The following NCAM1 variants were observed in gnomAD, a reference collection of about 807,000 sequenced individuals.
NCAM1 encodes antigen recognized by monoclonal antibody 5.1H11.
A neutral mutation model predicts 109.8 loss-of-function variants in NCAM1; 14 were observed. The observed-to-expected ratio is 0.13, with a 90% CI of 0.08 to 0.20. NCAM1 has a LOEUF of 0.20. Among genes scored for constraint, NCAM1 ranks in the 10% least tolerant of loss-of-function variants. The probability of loss-of-function intolerance (pLI) is 1.00; values close to 1 mark genes in which losing one functional copy is unlikely to be tolerated. For synonymous variants in NCAM1, 418 were observed against 442.9 expected, an observed-to-expected ratio of 0.94 and a Z score of 0.70; for missense variants, 774 against 1,109.9, an observed-to-expected ratio of 0.70 and a Z score of 4.30.
chr11:113,242,293 T>G (rs1945351855), intron 14 of NCAM1, among the ~76,000 whole-genome samples: 1 of 152,200 alleles, frequency 6.6e-6, no homozygotes, highest in African/African-American at 2.4e-5. Context: ...TCTGATCATC[T>G]CTTTTAAATA....
chr11:113,148,439 T>A (rs1942101572), intron 1 of NCAM1, among the ~76,000 whole-genome samples: 1 of 152,044 alleles, frequency 6.6e-6, no homozygotes, highest in Non-Finnish European at 1.5e-5. Flanking sequence ...TGGATTTTTC[T>A]GTCCTCTTAA....
chr11:113,081,749 G>T (rs1277921597), intron 1 of NCAM1, among the ~76,000 whole-genome samples: 1 of 152,102 alleles, frequency 6.6e-6, no homozygotes, highest in Non-Finnish European at 1.5e-5. Context: ...GGCCAGGCTG[G>T]TCTGGAACTC....
chr11:113,101,758 CCAAA>C (rs555917848), intron 1 of NCAM1, among the ~76,000 whole-genome samples: 35 of 152,286 alleles, frequency 2.3e-4, no homozygotes, highest in African/African-American at 7.7e-4. Context: ...CTCATTTAAT[CCAAA>C]CAGTCAGGCT....
At chr11:113,118,522 G>A (rs936496546) in intron 1 of NCAM1, among the ~76,000 whole-genome samples, 3 of 151,926 alleles carry the variant, frequency 2.0e-5, no homozygotes, top group East Asian at 3.8e-4. Context: ...CTGGACCATT[G>A]CAGGGCCTTC....
In NCAM1 at chr11:113,260,170, A is replaced by T. The variant is rs782774656; in HGVS notation, c.1978A>T (p.Ile660Phe). The T allele has an allele frequency of 1.8e-5, 29 of 1,613,034 alleles. No individual in the cohort carries two copies. The highest frequency in any genetic ancestry group is 2.5e-5 in the Non-Finnish European group (29 of 1,179,670). ...GCTCTCCTCCGAGTGGAAACCAGAG[A>T]TCAGGCTCCCGTCTGGCAGTGACCA... ...RALSSEWKPE[I>F]RLPSGSDHVM... Residue 660 changes from isoleucine (I) to phenylalanine (F), a missense_variant, in exon 17 of 20, where the codon ATC becomes TTC. Around this residue, in one of 4 missense-constraint regions of NCAM1, gnomAD observed 523 missense variants for 784.2 expected, o/e 0.67. Coordinates refer to ENST00000316851, the MANE Select transcript of NCAM1 (RefSeq NM_181351.5).
intron 7 of NCAM1, among the ~76,000 whole-genome samples, chr11:113,212,501 A>G (rs1283129700): frequency 6.6e-6 from 1 of 152,194 alleles, no homozygotes; most frequent in South Asian, 2.1e-4. Context: ...AAAGTACCGC[A>G]GGTCAGGAGA....
intron 1 of NCAM1, among the ~76,000 whole-genome samples, chr11:113,127,902 G>T (rs2136094980): frequency 6.6e-6 from 1 of 152,248 alleles, no homozygotes; most frequent in South Asian, 2.1e-4. Flanking sequence ...CACTGTGCTG[G>T]GTACCTGTCC....
chr11:113,165,251 A>G (rs1210098185), intron 1 of NCAM1, among the ~76,000 whole-genome samples: 1 of 152,168 alleles, frequency 6.6e-6, no homozygotes, highest in African/African-American at 2.4e-5. Flanking sequence ...AGAAAAGGAA[A>G]TTTAAGTAAA....
At chr11:113,239,031 T>C (rs1325495086) in intron 14 of NCAM1, among the ~76,000 whole-genome samples, 1 of 152,192 alleles carries the variant, frequency 6.6e-6, no homozygotes, top group Admixed American at 6.5e-5. Context: ...TTTCCATGTT[T>C]AGGGACATGG....
intron 1 of NCAM1, among the ~76,000 whole-genome samples, chr11:113,188,736 G>C (rs1943587750): frequency 6.6e-6 from 1 of 152,142 alleles, no homozygotes; most frequent in Admixed American, 6.5e-5. Context: ...ACTGTGACTT[G>C]ACACAAACCA....
intron 17 of NCAM1, among the ~76,000 whole-genome samples, chr11:113,268,629 C>T (rs1946193490): frequency 6.6e-6 from 1 of 152,184 alleles, no homozygotes; most frequent in Non-Finnish European, 1.5e-5. Flanking sequence ...CAGAGAAGCA[C>T]TAGAGTGCCT....
chr11:113,251,179 C>T (rs541320492), intron 15 of NCAM1, among the ~76,000 whole-genome samples: 3 of 152,324 alleles, frequency 2.0e-5, no homozygotes, highest in Non-Finnish European at 2.9e-5. Context: ...TCTTGGTGCT[C>T]GGGCTCCTTT....
chr11:113,115,100 T>TAGCA lies in NCAM1; in HGVS notation c.53-87278_53-87275dup, dbSNP rs538903989. On this transcript the variant is annotated intron_variant, in intron 1 of 19. Coordinates refer to ENST00000316851, the MANE Select transcript of NCAM1 (RefSeq NM_181351.5). Reference sequence around the variant, plus strand: ...TGGACAGTCAGCACCCCCCAGCTGGTAGCATCCTGGGAGCAAGGTGGCTGT... The same window carrying TAGCA: ...TGGACAGTCAGCACCCCCCAGCTGGTAGCAAGCATCCTGGGAGCAAGGTGGCTGT... Among the ~76,000 whole-genome samples, 4 of 152,256 alleles carry TAGCA rather than the reference T, an allele frequency of 2.6e-5. No individual in the cohort carries two copies. The East Asian group carries it at 7.7e-4, about 29-fold the overall frequency.
intron 1 of NCAM1, among the ~76,000 whole-genome samples, chr11:113,135,165 G>A (rs2136151944): frequency 6.6e-6 from 1 of 152,322 alleles, no homozygotes. Flanking sequence ...GCTGGAGCTT[G>A]TGGCAACCCA....
At chr11:112,972,188 G>A (rs1950902093) in intron 1 of NCAM1, among the ~76,000 whole-genome samples, 1 of 152,132 alleles carries the variant, frequency 6.6e-6, no homozygotes, top group Middle Eastern at 3.2e-3. Context: ...GAGAGGAAGG[G>A]TTGATGAGGT....
intron 1 of NCAM1, among the ~76,000 whole-genome samples, chr11:113,106,258 G>C (rs1940155139): frequency 6.6e-6 from 1 of 152,162 alleles, no homozygotes; most frequent in Non-Finnish European, 1.5e-5. Flanking sequence ...AAAATATTTG[G>C]TTAGAGATCC....
chr11:112,987,784 G>T (rs186026880), intron 1 of NCAM1, among the ~76,000 whole-genome samples: 21 of 152,090 alleles, frequency 1.4e-4, no homozygotes, highest in Non-Finnish European at 3.1e-4. Context: ...TGTCCTTAAA[G>T]CTTCTGAAGT....
intron 18 of NCAM1, among the ~76,000 whole-genome samples, chr11:113,271,393 AAAAG>A (rs1946269447): frequency 2.0e-5 from 3 of 151,094 alleles, no homozygotes; most frequent in Admixed American, 6.6e-5. Flanking sequence ...AAAAAAAAAA[AAAAG>A]AAAAGGAAAG....
intron 1 of NCAM1, among the ~76,000 whole-genome samples, chr11:113,015,899 A>C (rs1179412380): frequency 6.6e-6 from 1 of 152,170 alleles, no homozygotes; most frequent in African/African-American, 2.4e-5. Context: ...GGCATAGAGA[A>C]GAATGTTTTC....
Sources: gnomAD v4.1 joint callset for allele counts (sites outside exome capture counted in the v4.1 genomes callset) on GRCh38, gnomAD v4.1.1 for gene constraint, gnomAD v4.1.1 regional missense constraint, MANE v1.5 for transcripts, NCBI Gene and HGNC (gene_info 2026-07-23, HGNC 2026-07-21) for gene names.